The following GTF2H1 variants were observed in gnomAD, a reference collection of about 807,000 sequenced individuals.
The protein encoded by GTF2H1 is general transcription factor IIH subunit 1.
In GTF2H1, 16 loss-of-function variants were observed where a neutral mutation model predicts 71.2. The ratio of observed to expected loss-of-function variants is 0.22; its 90% CI spans 0.15 to 0.34. The LOEUF (loss-of-function observed/expected upper bound fraction) is 0.34, where lower values mean the gene tolerates loss of function less well. Ranked by LOEUF, GTF2H1 falls within the 10% of genes least tolerant of loss-of-function variation. The pLI, the probability that GTF2H1 is intolerant of heterozygous loss-of-function variation, is 1.00. For synonymous variants in GTF2H1, 215 were observed against 219.0 expected (o/e 0.98, Z 0.16); for missense variants, 498 against 648.2 (o/e 0.77, Z 2.52).
chr11:18,322,596 G>C lies in GTF2H1; in HGVS notation c.-160G>C, dbSNP rs1408568651. On this transcript the variant is annotated 5_prime_UTR_variant, in exon 1 of 15. Transcript: ENST00000265963. The stretch of plus-strand genomic sequence containing the variant: ...TCCTCGCAGCCAGCGATGGAGGCGA[G>C]ACCCCCTAGTAACAGAGGCGGTGGC... The C allele has an allele frequency of 6.6e-6, 1 of 152,250 alleles. No individual in the cohort carries two copies. The highest frequency in any genetic ancestry group is 1.5e-5 in the Non-Finnish European group (1 of 68,066). The allele number at this position is 152,250 out of a possible 1,614,324, so 9.4% of individuals were successfully genotyped here.
intron 14 of GTF2H1, among the ~76,000 whole-genome samples, chr11:18,364,178 A>G (rs1019417525): frequency 2.0e-5 from 3 of 152,208 alleles, no homozygotes; most frequent in African/African-American, 7.2e-5. Flanking sequence ...ATCAAACAGA[A>G]TAAGTAATTT....
chr11:18,350,367 A>G (rs979589820), intron 9 of GTF2H1, among the ~76,000 whole-genome samples: 1 of 152,184 alleles, frequency 6.6e-6, no homozygotes. Context: ...TAAGCTTGAC[A>G]TATGTCAAAA....
intron 1 of GTF2H1, among the ~76,000 whole-genome samples, chr11:18,328,886 T>G (rs1327646763): frequency 6.6e-6 from 1 of 152,168 alleles, no homozygotes; most frequent in Non-Finnish European, 1.5e-5. Context: ...TCTTTTCATG[T>G]CATTAAATAG....
At chr11:18,340,513 C>G (rs963276678) in intron 5 of GTF2H1, among the ~76,000 whole-genome samples, 2 of 152,136 alleles carry the variant, frequency 1.3e-5, no homozygotes, top group African/African-American at 4.8e-5. Context: ...GTCTTGAATT[C>G]CTGACCTCAA....
rs2133967821 is a variant in GTF2H1 at position 18,341,581 on chromosome 11, G to T, written c.811G>T (p.Ala271Ser). The change falls in exon 7 of 15, where the codon GCT (alanine) becomes TCT (serine). Residue 271 changes from alanine to serine, a missense_variant. Transcript: ENST00000265963. ...GAAAAACCCACTACTAGATTTAACA[G>T]CTTTGGAAGATAAACCATTAGATGA... is the stretch of plus-strand genomic sequence containing the variant. ...GVKNPLLDLT[A>S]LEDKPLDEGY... is the part of the protein sequence containing the mutation. 1 of 1,608,636 alleles carries T rather than the reference G, an allele frequency of 6.2e-7. No homozygotes were observed. Among genetic ancestry groups the T allele is most frequent in the Non-Finnish European group, 8.5e-7 (1 of 1,176,156 alleles).
At chr11:18,344,209 G>A (rs1865230336) in intron 7 of GTF2H1, among the ~76,000 whole-genome samples, 1 of 152,112 alleles carries the variant, frequency 6.6e-6, no homozygotes, top group East Asian at 1.9e-4. Flanking sequence ...CTACACAAAC[G>A]CTTACACCCT....
chr11:18,327,713 C>T (rs1458886006), intron 1 of GTF2H1, among the ~76,000 whole-genome samples: 2 of 152,120 alleles, frequency 1.3e-5, no homozygotes, highest in Admixed American at 6.5e-5. Context: ...TTCAGCCTCC[C>T]GACTTGCTGG....
At chr11:18,344,249 C>G (rs974805951) in intron 7 of GTF2H1, among the ~76,000 whole-genome samples, 2 of 152,292 alleles carry the variant, frequency 1.3e-5, no homozygotes, top group East Asian at 1.9e-4. Flanking sequence ...CATCTTTGGC[C>G]TGTTTGCTTG....
intron 1 of GTF2H1, among the ~76,000 whole-genome samples, chr11:18,327,059 G>A (rs1447370182): frequency 6.6e-6 from 1 of 152,090 alleles, no homozygotes; most frequent in Non-Finnish European, 1.5e-5. Flanking sequence ...CTACTTGGGA[G>A]GTTCTGGCAG....
chr11:18,364,827 A>G (rs1865780817), intron 14 of GTF2H1, among the ~76,000 whole-genome samples: 1 of 152,204 alleles, frequency 6.6e-6, no homozygotes, highest in African/African-American at 2.4e-5. Flanking sequence ...AAAATTATGC[A>G]GAATTAACTG....
chr11:18,334,272 C>G (rs572706248), intron 2 of GTF2H1, among the ~76,000 whole-genome samples: 2 of 152,140 alleles, frequency 1.3e-5, no homozygotes, highest in South Asian at 2.1e-4. Context: ...CCCAGCTCCT[C>G]GGGAGCCTGA....
At chr11:18,325,030 T>G (rs1219623198) in intron 1 of GTF2H1, among the ~76,000 whole-genome samples, 1 of 152,230 alleles carries the variant, frequency 6.6e-6, no homozygotes, top group Non-Finnish European at 1.5e-5. Flanking sequence ...AATGCTGAAT[T>G]GTTCAAACAC....
At position 18,346,132 on chromosome 11, in the gene GTF2H1, C is replaced by T. The variant is rs936433749; in HGVS notation, c.838-1456C>T. Among the ~76,000 whole-genome samples, 7 of 152,216 alleles carry T rather than the reference C, an allele frequency of 4.6e-5. No individual in the cohort carries two copies. The East Asian group carries it at 9.7e-4, about 21-fold the overall frequency. On this transcript the variant is annotated intron_variant, in intron 7 of 14. Transcript: ENST00000265963. ...CTTTCTTTCACCTTTTTAGCCTCAC[C>T]AATTCCTGGACCACCGTTATTAGTG... is the stretch of plus-strand genomic sequence containing the variant.
At chr11:18,356,885 G>A (rs572728890) in intron 11 of GTF2H1, among the ~76,000 whole-genome samples, 3 of 149,962 alleles carry the variant, frequency 2.0e-5, no homozygotes, top group Admixed American at 6.7e-5. Flanking sequence ...AACTTCCCCA[G>A]GCTCAAATGA....
intron 5 of GTF2H1, among the ~76,000 whole-genome samples, chr11:18,340,089 C>T (rs561747895): frequency 6.6e-6 from 1 of 152,248 alleles, no homozygotes; most frequent in South Asian, 2.1e-4. Flanking sequence ...CCCTCTTCCC[C>T]ACTCTTACCC....
chr11:18,358,058 T>C lies in GTF2H1; in HGVS notation c.1351+16T>C, dbSNP rs1234732622. ...GCCATAAACCGTATGTGCCGGGCCA[T>C]CTTCTACTACTTTCTGCCTAAATCA... On this transcript the variant is annotated intron_variant, in intron 12 of 14. Coordinates refer to ENST00000265963, the MANE Select transcript of GTF2H1 (RefSeq NM_005316.4). The C allele has an allele frequency of 3.2e-6, 5 of 1,570,632 alleles. No individual in the cohort carries two copies. The highest frequency in any genetic ancestry group is 2.6e-6 in the Non-Finnish European group (3 of 1,141,198).
chr11:18,328,812 A>G (rs1303924788), intron 1 of GTF2H1, among the ~76,000 whole-genome samples: 1 of 151,848 alleles, frequency 6.6e-6, no homozygotes, highest in Non-Finnish European at 1.5e-5. Flanking sequence ...GGTGACAGTG[A>G]GACTCCATCT....
chr11:18,329,173 T>G (rs1864838345), intron 1 of GTF2H1, among the ~76,000 whole-genome samples: 1 of 78,660 alleles, frequency 1.3e-5, no homozygotes, highest in Non-Finnish European at 2.8e-5. Flanking sequence ...GTTAGGGTTG[T>G]GACATGGAAT....
Position 18,341,377 on chromosome 11 carries a change from C to G in GTF2H1, c.724C>G (p.Leu242Val), listed in dbSNP as rs1410494858. The change falls in exon 6 of 15, where the codon CTC becomes GTC. Residue 242 changes from leucine to valine, a missense_variant. By Grantham distance (32) the Leu-to-Val change is conservative. Coordinates refer to ENST00000265963, the MANE Select transcript of GTF2H1 (RefSeq NM_005316.4). ...TCGGCTGAATACAGGGTCAAAGGATCTCTTTGCAGAATGTGCCAAAATAGA... is the reference window on the plus strand; with the variant it reads ...TCGGCTGAATACAGGGTCAAAGGATGTCTTTGCAGAATGTGCCAAAATAGA... The part of the protein sequence containing the change: ...RDRLNTGSKD[L>V]FAECAKIDEK... 6.2e-7 allele frequency: 1 copy of G among 1,613,914 alleles called. No homozygotes were observed.
Sources: gnomAD v4.1 joint callset for allele counts (sites outside exome capture counted in the v4.1 genomes callset) on GRCh38, gnomAD v4.1.1 for gene constraint, MANE v1.5 for transcripts, NCBI Gene and HGNC (gene_info 2026-07-23, HGNC 2026-07-21) for gene names.